The following NDNF variants were observed in gnomAD, a reference collection of about 807,000 sequenced individuals.
NDNF encodes protein NDNF.
In NDNF, 16 loss-of-function variants were observed where a neutral mutation model predicts 42.0. That is an observed-to-expected ratio of 0.38 (90% CI 0.26 to 0.58). The LOEUF (loss-of-function observed/expected upper bound fraction) is 0.58, where lower values mean the gene tolerates loss of function less well. NDNF is among the 20% of genes least tolerant of loss of function. NDNF has a pLI of 0.67. For synonymous variants in NDNF, 248 were observed against 251.7 expected (o/e 0.99, Z 0.14); for missense variants, 616 against 666.2 (o/e 0.92, Z 0.83).
chr4:121,058,832 A>G (rs1457314503), intron 1 of NDNF, among the ~76,000 whole-genome samples: 2 of 152,134 alleles, frequency 1.3e-5, no homozygotes, highest in Non-Finnish European at 2.9e-5. Flanking sequence ...TTTCTACAGT[A>G]CTGACACTGG....
intron 1 of NDNF, among the ~76,000 whole-genome samples, chr4:121,059,388 T>C (rs911339466): frequency 6.6e-6 from 1 of 152,192 alleles, no homozygotes; most frequent in Non-Finnish European, 1.5e-5. Context: ...CAAGAGAATA[T>C]AGGCTTAATA....
At chr4:121,052,620 T>A (rs889896835) in intron 1 of NDNF, among the ~76,000 whole-genome samples, 2 of 152,076 alleles carry the variant, frequency 1.3e-5, no homozygotes, top group Non-Finnish European at 2.9e-5. Flanking sequence ...AAGAAAAAAA[T>A]ATATAGCTTT....
At chr4:121,071,779 A>AAAAC (rs1553925742) in intron 1 of NDNF, 1 of 151,746 alleles carries the variant, frequency 6.6e-6, no homozygotes, top group African/African-American at 2.4e-5. Context: ...TAAAAAAAAA[A>AAAAC]AAACGAGGGA....
intron 1 of NDNF, among the ~76,000 whole-genome samples, chr4:121,058,334 C>T (rs1034946976): frequency 1.3e-5 from 2 of 152,124 alleles, no homozygotes; most frequent in Non-Finnish European, 2.9e-5. Flanking sequence ...ATTCGTTCTC[C>T]TTCTGAAGCC....
intron 2 of NDNF, among the ~76,000 whole-genome samples, chr4:121,045,204 T>C (rs1727067811): frequency 6.6e-6 from 1 of 151,790 alleles, no homozygotes; most frequent in Non-Finnish European, 1.5e-5. Context: ...TACAAAAAAT[T>C]AGCCAGGCGT....
At chr4:121,057,606 C>T (rs1727319486) in intron 1 of NDNF, among the ~76,000 whole-genome samples, 1 of 152,170 alleles carries the variant, frequency 6.6e-6, no homozygotes, top group South Asian at 2.1e-4. Flanking sequence ...AGAGGCTCTC[C>T]GGCTCGCCCA....
chr4:121,072,403 C>T lies in NDNF; in HGVS notation c.-412G>A, dbSNP rs1429591764. 2 of 150,978 alleles carry T rather than the reference C, an allele frequency of 1.3e-5. No individual in the cohort carries two copies. Among genetic ancestry groups the T allele is most frequent in the African/African-American group, 2.4e-5 (1 of 41,072 alleles). 9.4% of individuals were successfully genotyped at this position (150,978 alleles called of 1,614,324 possible). ...GGCTGGCGCGGGCTTCGCCGGCCGCCGCTAGTCGCACAGGCGCCTGGCTGG... is the reference window on the plus strand; with the variant it reads ...GGCTGGCGCGGGCTTCGCCGGCCGCTGCTAGTCGCACAGGCGCCTGGCTGG... On this transcript the variant is annotated 5_prime_UTR_variant, in exon 1 of 4. Coordinates refer to ENST00000379692, the MANE Select transcript of NDNF (RefSeq NM_024574.4).
chr4:121,055,303 G>T (rs139765948), intron 1 of NDNF, among the ~76,000 whole-genome samples: 1 of 152,166 alleles, frequency 6.6e-6, no homozygotes, highest in Non-Finnish European at 1.5e-5. Flanking sequence ...AGAGATGGTG[G>T]TTTTTTCAGC....
chr4:121,039,281 C>T (rs1347079490), intron 3 of NDNF, among the ~76,000 whole-genome samples: 2 of 144,134 alleles, frequency 1.4e-5, no homozygotes, highest in Non-Finnish European at 3.0e-5. Flanking sequence ...CACCCATTGT[C>T]AAGCCTTCAC....
intron 1 of NDNF, among the ~76,000 whole-genome samples, chr4:121,070,144 TAAG>T (rs1488726283): frequency 1.3e-5 from 2 of 152,196 alleles, no homozygotes. Flanking sequence ...ACCACTGTAA[TAAG>T]AGACTGACAT....
chr4:121,043,390 C>A (rs563869057), intron 2 of NDNF, among the ~76,000 whole-genome samples: 1 of 152,246 alleles, frequency 6.6e-6, no homozygotes, highest in South Asian at 2.1e-4. Context: ...ACATATTTCA[C>A]CCCTAGAAAT....
intron 1 of NDNF, among the ~76,000 whole-genome samples, chr4:121,069,685 G>T (rs1336128548): frequency 6.6e-6 from 1 of 152,198 alleles, no homozygotes; most frequent in African/African-American, 2.4e-5. Flanking sequence ...AAGATTAAGG[G>T]CATTCACTGA....
rs897563796 is a variant in NDNF, at chr4:121,036,022, A to C, written c.*242T>G. The C allele has an allele frequency of 2.3e-5, 10 of 427,668 alleles. No individual in the cohort carries two copies. Among genetic ancestry groups the C allele is most frequent in the African/African-American group, 1.8e-4 (9 of 49,458 alleles). The allele number at this position is 427,668 out of a possible 1,614,324, so 26.5% of individuals were successfully genotyped here. On this transcript the variant is annotated 3_prime_UTR_variant, in exon 4 of 4. Transcript: ENST00000379692. ...GCAAGGAATGGCAAGTTCCTTCAAG[A>C]AGCCCTCTATCTTTGACACCAACCG... is the stretch of plus-strand genomic sequence containing the variant.
At chr4:121,045,552 G>T in intron 2 of NDNF, 98 bp downstream of exon 2, 1 of 1,023,964 alleles carries the variant, frequency 9.8e-7, no homozygotes, top group Non-Finnish European at 1.4e-6. Flanking sequence ...TTCATAGGTT[G>T]ATTTGTAAAT....
chr4:121,056,203 A>G (rs921969187), intron 1 of NDNF, among the ~76,000 whole-genome samples: 3 of 152,192 alleles, frequency 2.0e-5, no homozygotes, highest in African/African-American at 4.8e-5. Context: ...TCTAAAGGCA[A>G]TGGAATAATC....
At chr4:121,039,006 T>A (rs1726929888) in intron 3 of NDNF, 1 of 145,294 alleles carries the variant, frequency 6.9e-6, no homozygotes, top group Non-Finnish European at 1.5e-5. Flanking sequence ...AAAAAGCCCA[T>A]CAAGATTTGT....
rs1045080 is a variant in NDNF, at chr4:121,035,896, C to T, written c.*368G>A. The T allele has an allele frequency of 0.69, 114,310 of 166,278 alleles. 44,246 individuals are homozygous for T. The highest frequency in any genetic ancestry group is 0.88 in the East Asian group (4,985 of 5,682). The allele number at this position is 166,278 out of a possible 1,614,324, so 10.3% of individuals were successfully genotyped here. A position where few individuals can be genotyped will look rare whatever the true frequency, so the allele number is the denominator to read the frequency against. Reference sequence around the variant, plus strand: ...TAATTTATATATATCCTAGCATCTACAGAGAGGAATGATTTGCATTTGTGG... The same window carrying T: ...TAATTTATATATATCCTAGCATCTATAGAGAGGAATGATTTGCATTTGTGG... On this transcript the variant is annotated 3_prime_UTR_variant, in exon 4 of 4. Transcript: ENST00000379692.
intron 2 of NDNF, among the ~76,000 whole-genome samples, chr4:121,044,458 A>G (rs2148765008): frequency 6.6e-6 from 1 of 151,994 alleles, no homozygotes; most frequent in South Asian, 2.1e-4. Flanking sequence ...TTTGAGCACT[A>G]CAAAATAGGT....
At chr4:121,063,084 A>C (rs1004445324) in intron 1 of NDNF, among the ~76,000 whole-genome samples, 5 of 152,100 alleles carry the variant, frequency 3.3e-5, no homozygotes, top group Admixed American at 6.5e-5. Flanking sequence ...AATTTTTAAA[A>C]ACTAATTTAA....
Sources: allele counts gnomAD v4.1 joint callset (sites outside exome capture counted in the v4.1 genomes callset), GRCh38; gene constraint gnomAD v4.1.1; transcripts MANE v1.5; gene names NCBI Gene and HGNC (gene_info 2026-07-23, HGNC 2026-07-21).